Variants in ERBB4 observed in about 807,000 individuals in gnomAD.
ERBB4 encodes erb-b2 receptor tyrosine kinase 4.
In ERBB4, 42 loss-of-function variants were observed where a neutral mutation model predicts 158.0. That is an observed-to-expected ratio of 0.27 (90% CI 0.21 to 0.34). The LOEUF is 0.34. Among genes scored for constraint, ERBB4 ranks in the 10% least tolerant of loss-of-function variants. The probability of loss-of-function intolerance (pLI) is 1.00; values close to 1 mark genes in which losing one functional copy is unlikely to be tolerated. For missense variants in ERBB4, 1,333 were observed against 1,624.1 expected (o/e 0.82, Z 3.08); for synonymous variants, 583 against 558.7 (o/e 1.04, Z -0.61).
intron 3 of ERBB4, among the ~76,000 whole-genome samples, chr2:211,789,093 CT>C (rs2076228474): frequency 6.6e-6 from 1 of 152,106 alleles, no homozygotes; most frequent in Non-Finnish European, 1.5e-5. Flanking sequence ...AATATATCCT[CT>C]GAAAATATTA....
Position 211,901,098 on chromosome 2 carries a change from A to G in ERBB4, c.421+46332T>C, listed in dbSNP as rs1249218971. ...TATGTTATTTTTCTTTCATTTGGAC[A>G]TGTAAATAAATGATGATGGTGAATG... On this transcript the variant is annotated intron_variant, in intron 3 of 27. Coordinates refer to ENST00000342788, the MANE Select transcript of ERBB4 (RefSeq NM_005235.3). 3.3e-5 allele frequency among the ~76,000 whole-genome samples: 5 copies of G among 152,244 alleles called. No homozygotes were observed. In the East Asian group the frequency reaches 9.7e-4, roughly 29 times the overall value.
At chr2:212,190,698 C>G (rs914509908) in intron 1 of ERBB4, among the ~76,000 whole-genome samples, 4 of 152,112 alleles carry the variant, frequency 2.6e-5, no homozygotes, top group Admixed American at 6.5e-5. Flanking sequence ...ACACATAGAC[C>G]TGAGAGAAGA....
intron 20 of ERBB4, among the ~76,000 whole-genome samples, chr2:211,435,757 C>A (rs904052442): frequency 3.9e-5 from 6 of 152,166 alleles, no homozygotes. Flanking sequence ...TCTCCCCTGC[C>A]GGGCCCCCAC....
intron 20 of ERBB4, among the ~76,000 whole-genome samples, chr2:211,531,930 G>A (rs953684545): frequency 4.6e-5 from 7 of 152,150 alleles, no homozygotes; most frequent in African/African-American, 1.4e-4. Context: ...ACAGATGAAT[G>A]GATAAAGAAA....
chr2:212,228,074 G>A (rs989509135), intron 1 of ERBB4, among the ~76,000 whole-genome samples: 17 of 152,068 alleles, frequency 1.1e-4, no homozygotes, highest in Admixed American at 9.8e-4. Flanking sequence ...AATATTCTAT[G>A]AAAAATTATA....
In ERBB4 at chr2:212,297,568, G is replaced by A. The variant is rs114563034; in HGVS notation, c.83-172665C>T. On this transcript the variant is annotated intron_variant, in intron 1 of 27. Coordinates refer to ENST00000342788, the MANE Select transcript of ERBB4 (RefSeq NM_005235.3). ...AAAGCTAATATTTTCATTTTGCAAA[G>A]GATAAACCTGAATGAAAGACACAGA... Among the ~76,000 whole-genome samples the A allele has an allele frequency of 3.0e-3, 457 of 151,698 alleles. 6 individuals carry two copies. Among genetic ancestry groups the A allele is most frequent in the African/African-American group, 0.01 (430 of 41,444 alleles).
intron 1 of ERBB4, among the ~76,000 whole-genome samples, chr2:212,471,025 GA>G (rs1376664476): frequency 6.6e-6 from 1 of 151,888 alleles, no homozygotes; most frequent in Non-Finnish European, 1.5e-5. Flanking sequence ...ACCTAGACAA[GA>G]ATAACAACAT....
At chr2:212,251,368 C>G (rs1057090660) in intron 1 of ERBB4, among the ~76,000 whole-genome samples, 1 of 151,926 alleles carries the variant, frequency 6.6e-6, no homozygotes, top group African/African-American at 2.4e-5. Flanking sequence ...TCATTCTAGG[C>G]ACTTGAAAAA....
Position 211,944,164 on chromosome 2 carries a change from C to CTATATATATATATACTA in ERBB4, c.421+3265_421+3266insTAGTATATATATATATA, listed in dbSNP as rs71397155. Among the ~76,000 whole-genome samples, 805 of 100,836 alleles carry CTATATATATATATACTA rather than the reference C, an allele frequency of 8.0e-3. 24 individuals are homozygous for CTATATATATATATACTA. Among genetic ancestry groups the CTATATATATATATACTA allele is most frequent in the African/African-American group, 0.03 (699 of 23,600 alleles). The allele number at this position is 100,836 out of a possible 152,430, so 66.2% of individuals were successfully genotyped here. A position where few individuals can be genotyped will look rare whatever the true frequency, so the allele number is the denominator to read the frequency against. On this transcript the variant is annotated intron_variant, in intron 3 of 27. Coordinates refer to ENST00000342788, the MANE Select transcript of ERBB4 (RefSeq NM_005235.3). ...TATACATATACACTATATATATACA[C>CTATATATATATATACTA]TATATATATATACTATATATATATA...
intron 2 of ERBB4, among the ~76,000 whole-genome samples, chr2:212,065,410 G>T (rs1187710365): frequency 1.3e-5 from 2 of 151,950 alleles, no homozygotes; most frequent in Non-Finnish European, 2.9e-5. Context: ...AAATGAAGAT[G>T]AGTTTATTTC....
intron 2 of ERBB4, among the ~76,000 whole-genome samples, chr2:211,989,475 A>AT (rs2082017383): frequency 6.6e-6 from 1 of 151,836 alleles, no homozygotes; most frequent in Non-Finnish European, 1.5e-5. Context: ...TTTCTCTATA[A>AT]TATTCTTAAA....
chr2:211,431,864 A>G (rs927433511), intron 20 of ERBB4, among the ~76,000 whole-genome samples: 2 of 152,154 alleles, frequency 1.3e-5, no homozygotes, highest in African/African-American at 4.8e-5. Flanking sequence ...TCTCCTCACA[A>G]TACATCCATG....
At chr2:212,371,903 G>C (rs979674231) in intron 1 of ERBB4, among the ~76,000 whole-genome samples, 8 of 152,070 alleles carry the variant, frequency 5.3e-5, no homozygotes, top group African/African-American at 1.9e-4. Context: ...TGACCCAAAG[G>C]ATATTTGCAA....
At chr2:211,400,009 A>C (rs2062999730) in intron 25 of ERBB4, among the ~76,000 whole-genome samples, 1 of 152,188 alleles carries the variant, frequency 6.6e-6, no homozygotes, top group Admixed American at 6.5e-5. Context: ...AAGGATAATC[A>C]TGGCTAAATG....
intron 3 of ERBB4, among the ~76,000 whole-genome samples, chr2:211,812,104 G>A (rs887595357): frequency 1.2e-4 from 18 of 152,274 alleles, no homozygotes; most frequent in Middle Eastern, 3.4e-3. Flanking sequence ...AGGAGAAGAC[G>A]CGCTCTGCTT....
chr2:211,665,456 A>G lies in ERBB4; in HGVS notation c.1738T>C (p.Cys580Arg). The part of the protein sequence containing the change: ...HGPGPDNCTK[C>R]SHFKDGPNCV... ...TTTGGGCCATCTTTAAAATGAGAGC[A>G]CTTTGTACAGTTGTCAGGACCCTGA... The change falls in exon 15 of 28, where the codon TGC (cysteine) becomes CGC (arginine). Residue 580 changes from cysteine to arginine, a missense_variant. This residue lies in a region of ERBB4 where 245 missense variants were observed against 247.5 expected (regional missense o/e 0.99). Coordinates refer to ENST00000342788, the MANE Select transcript of ERBB4 (RefSeq NM_005235.3). 6.2e-7 allele frequency: 1 copy of G among 1,614,126 alleles called. No individual in the cohort carries two copies. The highest frequency in any genetic ancestry group is 8.5e-7 in the Non-Finnish European group (1 of 1,179,988).
At chr2:211,975,029 G>C (rs1421500023) in intron 2 of ERBB4, among the ~76,000 whole-genome samples, 1 of 151,836 alleles carries the variant, frequency 6.6e-6, no homozygotes, top group Non-Finnish European at 1.5e-5. Context: ...TGTCACTCAG[G>C]CTGGACTGCA....
chr2:211,733,311 T>G (rs374379817), intron 5 of ERBB4, among the ~76,000 whole-genome samples: 9 of 152,150 alleles, frequency 5.9e-5, no homozygotes, highest in Non-Finnish European at 1.2e-4. Flanking sequence ...GAGTGAAGAT[T>G]CAAAAAATAA....
chr2:212,511,005 C>CA (rs1453273811), intron 1 of ERBB4, among the ~76,000 whole-genome samples: 2 of 152,044 alleles, frequency 1.3e-5, no homozygotes, highest in African/African-American at 4.8e-5. Context: ...AAATGGAATG[C>CA]AATGATATAT....
Sources: gnomAD v4.1 joint callset for allele counts (sites outside exome capture counted in the v4.1 genomes callset) on GRCh38, gnomAD v4.1.1 for gene constraint, gnomAD v4.1.1 regional missense constraint, MANE v1.5 for transcripts, NCBI Gene and HGNC (gene_info 2026-07-23, HGNC 2026-07-21) for gene names.